Variants in TCOF1 observed in about 807,000 individuals in gnomAD.
TCOF1 encodes treacle ribosome biogenesis factor 1.
TCOF1 carries 33 observed loss-of-function variants against 149.0 expected under a neutral mutation model. That is an observed-to-expected ratio of 0.22 (90% CI 0.17 to 0.30). The LOEUF (loss-of-function observed/expected upper bound fraction) is 0.30. TCOF1 is among the 10% of genes least tolerant of loss of function. TCOF1 has a pLI of 1.00. For missense variants in TCOF1, 1,728 were observed against 1,840.7 expected (o/e 0.94, Z 1.12); for synonymous variants, 789 against 738.8 (o/e 1.07, Z -1.10).
chr5:150,375,312 C>T (rs752527799), intron 10 of TCOF1, 27 bp from the exon 11 acceptor site: 5 of 1,608,700 alleles, frequency 3.1e-6, no homozygotes, highest in Non-Finnish European at 4.2e-6. Flanking sequence ...GGACTCCCTC[C>T]CTAATCTTGT....
Position 150,374,298 on chromosome 5 carries a change from C to T in TCOF1, c.995C>T (p.Ala332Val). 1 of 1,589,792 alleles carries T rather than the reference C, an allele frequency of 6.3e-7. No homozygotes were observed. Among genetic ancestry groups the T allele is most frequent in the African/African-American group, 1.3e-5 (1 of 74,228 alleles). The change falls in exon 8 of 27, where the codon GCA becomes GTA. Residue 332 changes from alanine (A) to valine (V), a missense_variant. Around this residue, in one of 2 missense-constraint regions of TCOF1, gnomAD observed 1,696 missense variants for 1,765.4 expected, o/e 0.96. Coordinates refer to ENST00000643257, the MANE Select transcript of TCOF1 (RefSeq NM_001371623.1). ...KAGAVASQTKAGKPEEDSESS... is the reference protein window; with the variant it reads ...KAGAVASQTKVGKPEEDSESS... The stretch of plus-strand genomic sequence containing the variant: ...GGGGCTGTAGCCTCCCAGACCAAGG[C>T]AGGGAAGCCAGAGGAGGACTCAGAG...
At chr5:150,367,983 A>T in intron 4 of TCOF1, 66 bp downstream of exon 4, 1 of 1,566,950 alleles carries the variant, frequency 6.4e-7, no homozygotes, top group Non-Finnish European at 8.8e-7. Context: ...GGACAGTCTT[A>T]CATGTCAGAG....
rs1769444009 is a variant in TCOF1 at position 150,399,989 on chromosome 5, T to C, written c.*202T>C. 6.6e-6 allele frequency: 1 copy of C among 152,388 alleles called. No individual in the cohort carries two copies. The highest frequency in any genetic ancestry group is 1.5e-5 in the Non-Finnish European group (1 of 68,234). 9.4% of individuals were successfully genotyped at this position (152,388 alleles called of 1,614,324 possible). On this transcript the variant is annotated 3_prime_UTR_variant, in exon 27 of 27. Transcript: ENST00000643257. ...CGGGGAGGCTGGTCCAAGGAGAAAG[T>C]GGACCAGCTCCCATGACCTCACCCC...
chr5:150,390,171 C>G lies in TCOF1; in HGVS notation c.3183+148C>G. On this transcript the variant is annotated intron_variant, in intron 19 of 26. Coordinates refer to ENST00000643257, the MANE Select transcript of TCOF1 (RefSeq NM_001371623.1). ...GCCTCACAGCCAGAGGCTTTCTGGC[C>G]TCCTAGCTACAACCCCCCAAATCAC... is the stretch of plus-strand genomic sequence containing the variant. 3 of 1,280,980 alleles carry G rather than the reference C, an allele frequency of 2.3e-6. No individual in the cohort carries two copies. The South Asian group carries it at 4.3e-5, about 19-fold the overall frequency. 79.4% of individuals were successfully genotyped at this position (1,280,980 alleles called of 1,614,324 possible). A position where few individuals can be genotyped will look rare whatever the true frequency, so the allele number is the denominator to read the frequency against.
At position 150,376,350 on chromosome 5, in the gene TCOF1, G is replaced by A. The variant is rs1205382440; in HGVS notation, c.2142+20G>A. The A allele has an allele frequency of 1.2e-6, 2 of 1,614,052 alleles. No individual in the cohort carries two copies. Among genetic ancestry groups the A allele is most frequent in the Non-Finnish European group, 1.7e-6 (2 of 1,179,984 alleles). ...GGACAGGTGAGGCCTGTGTTTTCTG[G>A]GCGGGCCTCAGGGCCGCCCCTACGT... On this transcript the variant is annotated intron_variant, in intron 13 of 26. Transcript: ENST00000643257.
chr5:150,385,153 T>C (rs1766028097), intron 17 of TCOF1: 1 of 919,282 alleles, frequency 1.1e-6, no homozygotes, highest in African/African-American at 1.8e-5. Flanking sequence ...CACAAATATA[T>C]GCAGTTTCAC....
rs1239944388 is a variant in TCOF1 at position 150,396,411 on chromosome 5, G to T, written c.3914G>T (p.Trp1305Leu). The change falls in exon 24 of 27, where the codon TGG (tryptophan) becomes TTG (leucine). Residue 1305 changes from tryptophan (W) to leucine (L), a missense_variant. Coordinates refer to ENST00000643257, the MANE Select transcript of TCOF1 (RefSeq NM_001371623.1). ...NITQCLLGQP[W>L]PLNEAQVQAS... ...ACCCAGTGCCTCCTGGGCCAACCCTGGCCCCTGAATGAGGCCCAGGTGCAG... is the reference window on the plus strand; with the variant it reads ...ACCCAGTGCCTCCTGGGCCAACCCTTGCCCCTGAATGAGGCCCAGGTGCAG... 1 of 1,614,038 alleles carries T rather than the reference G, an allele frequency of 6.2e-7. No individual in the cohort carries two copies. The highest frequency in any genetic ancestry group is 1.7e-5 in the Admixed American group (1 of 60,020).
intron 9 of TCOF1, 21 bp downstream of exon 9, chr5:150,374,832 G>A (rs1236132554): frequency 6.2e-7 from 1 of 1,605,090 alleles, no homozygotes; most frequent in African/African-American, 1.3e-5. Flanking sequence ...GGGGAGGGGT[G>A]GAGAGTAGCC....
At chr5:150,393,316 G>A (rs1767806369) in intron 22 of TCOF1, 56 bp from the exon 23 acceptor site, 23 of 1,610,156 alleles carry the variant, frequency 1.4e-5, no homozygotes, top group Middle Eastern at 3.5e-4. Flanking sequence ...GACTCGGGCT[G>A]GGTTATGGCA....
At chr5:150,381,260 T>C (rs11951071) in intron 17 of TCOF1, among the ~76,000 whole-genome samples, 27,003 of 152,056 alleles carry the variant, frequency 0.18, 2,654 homozygotes, top group African/African-American at 0.27. Context: ...AAACAAGCAC[T>C]GAGATGAATG....
In TCOF1 at chr5:150,379,781, G is replaced by A. The variant is rs7732047; in HGVS notation, c.2859+49G>A. On this transcript the variant is annotated intron_variant, in intron 17 of 26. Coordinates refer to ENST00000643257, the MANE Select transcript of TCOF1 (RefSeq NM_001371623.1). The stretch of plus-strand genomic sequence containing the variant: ...CCACCAACACTCACTCCTCAGAACG[G>A]GGGTATAGGGCTGGGCGTGGTGGCT... 4,301 of 1,596,286 alleles carry A rather than the reference G, an allele frequency of 2.7e-3. 119 individuals are homozygous for A. The African/African-American group carries it at 0.051, about 19-fold the overall frequency.
intron 17 of TCOF1, chr5:150,384,738 G>T (rs1203653567): frequency 1.0e-6 from 1 of 985,404 alleles, no homozygotes; most frequent in Non-Finnish European, 1.2e-6. Context: ...ATTCGGGGAA[G>T]ACGGGCATAG....
rs777626460 is a variant in TCOF1 at position 150,359,346 on chromosome 5, C to CA, written c.108+1506dup. Among the ~76,000 whole-genome samples the CA allele has an allele frequency of 6.3e-3, 700 of 110,294 alleles. 3 individuals carry two copies. The highest frequency in any genetic ancestry group is 0.015 in the African/African-American group (454 of 30,676). 72.4% of individuals were successfully genotyped at this position (110,294 alleles called of 152,430 possible). On this transcript the variant is annotated intron_variant, in intron 1 of 26. Transcript: ENST00000643257. ...TGGGTGACAAGGCGAGACTCCATCT[C>CA]AAAAAAAAAAAAAACGTCCATAGTG...
chr5:150,388,697 G>A (rs138065978), intron 18 of TCOF1, among the ~76,000 whole-genome samples: 119 of 152,280 alleles, frequency 7.8e-4, no homozygotes, highest in Non-Finnish European at 1.3e-3. Context: ...TAGCTCTTTG[G>A]GAGGCTGAGG....
intron 5 of TCOF1, among the ~76,000 whole-genome samples, chr5:150,369,109 T>A (rs1310751263): frequency 6.6e-6 from 1 of 152,202 alleles, no homozygotes; most frequent in Non-Finnish European, 1.5e-5. Flanking sequence ...ACAGCCCACC[T>A]GGTGGTTGGA....
chr5:150,385,189 A>G (rs1375079197), intron 17 of TCOF1: 2 of 701,744 alleles, frequency 2.9e-6, no homozygotes, highest in African/African-American at 1.9e-5. Context: ...TTTAAGGCCA[A>G]CTTCTTCTAT....
At chr5:150,367,513 T>C (rs1205620506) in intron 3 of TCOF1, 3 of 373,082 alleles carry the variant, frequency 8.0e-6, no homozygotes, top group Non-Finnish European at 1.6e-5. Flanking sequence ...ATGGTGCCCA[T>C]TGCAGTGTGC....
chr5:150,398,300 C>G (rs927490884), intron 24 of TCOF1, 54 bp from the exon 25 acceptor site: 2 of 1,610,328 alleles, frequency 1.2e-6, no homozygotes, highest in Admixed American at 3.4e-5. Context: ...AACATTGACC[C>G]CAGCACTTAG....
chr5:150,358,005 G>A (rs1263407373), intron 1 of TCOF1, 151 bp downstream of exon 1: 4 of 698,590 alleles, frequency 5.7e-6, no homozygotes, highest in South Asian at 3.9e-5. Context: ...CGGAGGAGCC[G>A]CAATCTCTGC....
Sources: gnomAD v4.1 joint callset for allele counts (sites outside exome capture counted in the v4.1 genomes callset) on GRCh38, gnomAD v4.1.1 for gene constraint, gnomAD v4.1.1 regional missense constraint, MANE v1.5 for transcripts, NCBI Gene and HGNC (gene_info 2026-07-23, HGNC 2026-07-21) for gene names.